The following EYA2 variants were observed in gnomAD, a reference collection of about 807,000 sequenced individuals.
EYA2 encodes protein phosphatase EYA2.
EYA2 carries 31 observed loss-of-function variants against 69.2 expected under a neutral mutation model. The ratio of observed to expected loss-of-function variants is 0.45; its 90% confidence interval spans 0.34 to 0.60. EYA2 has a LOEUF of 0.60. EYA2 is among the 20% of genes least tolerant of loss of function. The probability of loss-of-function intolerance (pLI) is 0.02; values close to 1 mark genes in which losing one functional copy is unlikely to be tolerated. For missense variants in EYA2, 622 were observed against 701.2 expected, an observed-to-expected ratio of 0.89 and a Z score of 1.28; for synonymous variants, 257 against 279.4, an observed-to-expected ratio of 0.92 and a Z score of 0.80.
intron 1 of EYA2, among the ~76,000 whole-genome samples, chr20:46,904,802 G>T (rs186842183): frequency 9.9e-5 from 15 of 152,232 alleles, no homozygotes; most frequent in African/African-American, 2.6e-4. Flanking sequence ...TTGTAACATT[G>T]TAGTCTTCAC....
intron 1 of EYA2, among the ~76,000 whole-genome samples, chr20:46,914,257 A>G (rs770688946): frequency 1.3e-5 from 2 of 152,234 alleles, no homozygotes; most frequent in Non-Finnish European, 2.9e-5. Flanking sequence ...AGTAGAACTC[A>G]CACTTAAAAA....
At chr20:47,049,501 G>C (rs1424956904) in intron 5 of EYA2, among the ~76,000 whole-genome samples, 1 of 151,154 alleles carries the variant, frequency 6.6e-6, no homozygotes, top group Admixed American at 6.6e-5. Flanking sequence ...TAATGAATGA[G>C]TTCTCTCTGT....
intron 1 of EYA2, among the ~76,000 whole-genome samples, chr20:46,959,340 G>A (rs933056851): frequency 6.6e-6 from 1 of 152,168 alleles, no homozygotes; most frequent in Admixed American, 6.5e-5. Context: ...CCATTCCTTT[G>A]TTGGGGGTGG....
chr20:46,956,118 G>T (rs1345460093), intron 1 of EYA2, among the ~76,000 whole-genome samples: 2 of 152,214 alleles, frequency 1.3e-5, no homozygotes, highest in South Asian at 4.1e-4. Context: ...ATGTATTCAG[G>T]TTTGGTGTTT....
intron 7 of EYA2, among the ~76,000 whole-genome samples, chr20:47,081,039 A>G (rs2146490156): frequency 6.6e-6 from 1 of 152,006 alleles, no homozygotes; most frequent in African/African-American, 2.4e-5. Flanking sequence ...TAATTTTTAA[A>G]TTTTTTGTAG....
chr20:47,187,562 T>C (rs1031530831), intron 15 of EYA2, among the ~76,000 whole-genome samples: 3 of 151,802 alleles, frequency 2.0e-5, no homozygotes, highest in Admixed American at 6.6e-5. Flanking sequence ...TGGGGAGGGG[T>C]TCCAGCACCG....
At chr20:47,096,999 C>T in intron 8 of EYA2, 86 bp from the exon 9 acceptor site, 1 of 966,472 alleles carries the variant, frequency 1.0e-6, no homozygotes, top group Non-Finnish European at 1.6e-6. Context: ...GACTTCTTTT[C>T]CTCCAAGGGA....
intron 12 of EYA2, among the ~76,000 whole-genome samples, chr20:47,175,279 G>A (rs940384937): frequency 4.6e-5 from 7 of 152,210 alleles, no homozygotes; most frequent in African/African-American, 1.4e-4. Flanking sequence ...AGGTACACTC[G>A]GAAGAAAGGC....
At chr20:46,920,234 T>TAAAA (rs11472988) in intron 1 of EYA2, among the ~76,000 whole-genome samples, 16 of 149,410 alleles carry the variant, frequency 1.1e-4, no homozygotes, top group African/African-American at 3.7e-4. Flanking sequence ...TTAATTTGTT[T>TAAAA]AAAAAAAAAA....
intron 9 of EYA2, among the ~76,000 whole-genome samples, chr20:47,100,752 C>A (rs2032400914): frequency 6.6e-6 from 1 of 152,260 alleles, no homozygotes; most frequent in African/African-American, 2.4e-5. Context: ...CCAGCTCTCG[C>A]TAAGGTGAGG....
intron 9 of EYA2, among the ~76,000 whole-genome samples, chr20:47,098,505 T>C (rs1426757711): frequency 1.3e-5 from 2 of 152,236 alleles, no homozygotes; most frequent in Non-Finnish European, 2.9e-5. Context: ...GTATGGATTG[T>C]GTAGGGATGT....
chr20:47,126,845 C>T (rs1393974823), intron 9 of EYA2, among the ~76,000 whole-genome samples: 1 of 152,114 alleles, frequency 6.6e-6, no homozygotes, highest in African/African-American at 2.4e-5. Flanking sequence ...GTAGAGGCCA[C>T]GGATGCTGCT....
At chr20:47,106,859 CAG>C (rs942767060) in intron 9 of EYA2, among the ~76,000 whole-genome samples, 5 of 152,104 alleles carry the variant, frequency 3.3e-5, no homozygotes, top group African/African-American at 1.2e-4. Flanking sequence ...GGCTGGAAAA[CAG>C]GGAACTGAGG....
At chr20:46,920,742 A>G (rs1439801717) in intron 1 of EYA2, among the ~76,000 whole-genome samples, 4 of 152,202 alleles carry the variant, frequency 2.6e-5, no homozygotes, top group African/African-American at 9.6e-5. Context: ...CACAAATGCA[A>G]AAACCAGAGC....
chr20:46,996,556 C>T (rs1982031758), intron 2 of EYA2, among the ~76,000 whole-genome samples: 1 of 152,146 alleles, frequency 6.6e-6, no homozygotes. Flanking sequence ...TTCCTTTGCA[C>T]CTCGTTATAA....
chr20:47,099,466 A>G (rs1018283435), intron 9 of EYA2, among the ~76,000 whole-genome samples: 8 of 152,210 alleles, frequency 5.3e-5, no homozygotes, highest in Non-Finnish European at 8.8e-5. Flanking sequence ...GTGGTGAGCT[A>G]TGATCGCACC....
At chr20:47,012,356 T>C (rs1191014553) in intron 4 of EYA2, among the ~76,000 whole-genome samples, 1 of 152,246 alleles carries the variant, frequency 6.6e-6, no homozygotes, top group Non-Finnish European at 1.5e-5. Flanking sequence ...AGATTTCCTT[T>C]GAACATAATC....
chr20:46,955,360 C>A (rs1214939453), intron 1 of EYA2, among the ~76,000 whole-genome samples: 1 of 152,180 alleles, frequency 6.6e-6, no homozygotes, highest in Admixed American at 6.5e-5. Context: ...TCACACCTGG[C>A]ACTTAGAGAA....
chr20:47,014,682 A>G (rs935678774), intron 4 of EYA2, among the ~76,000 whole-genome samples: 4 of 149,348 alleles, frequency 2.7e-5, no homozygotes, highest in Non-Finnish European at 5.9e-5. Flanking sequence ...TGTGATGACT[A>G]TAAGCTGCAG....
Sources: allele counts gnomAD v4.1 joint callset (sites outside exome capture counted in the v4.1 genomes callset), GRCh38; gene constraint gnomAD v4.1.1; transcripts MANE v1.5; gene names NCBI Gene and HGNC (gene_info 2026-07-23, HGNC 2026-07-21).